NDST4: variants seen among roughly 807,000 people sequenced by gnomAD.
The protein encoded by NDST4 is N-heparan sulfate sulfotransferase 4.
NDST4 carries 63 observed loss-of-function variants against 100.8 expected under a neutral mutation model. That is an observed-to-expected ratio of 0.62 (90% CI 0.51 to 0.77). The LOEUF (loss-of-function observed/expected upper bound fraction) is 0.77. Ranked by LOEUF, NDST4 falls within the 30% of genes least tolerant of loss-of-function variation. NDST4 has a pLI of 0.00. For missense variants in NDST4, 943 were observed against 1,018.4 expected (o/e 0.93, Z 1.01); for synonymous variants, 377 against 361.8 (o/e 1.04, Z -0.48).
At chr4:114,949,402 G>A (rs1483602118) in intron 4 of NDST4, among the ~76,000 whole-genome samples, 2 of 151,866 alleles carry the variant, frequency 1.3e-5, no homozygotes, top group East Asian at 1.9e-4. Context: ...TACCAAAAAA[G>A]GAACAACCCC....
At chr4:114,944,949 C>G (rs1274329639) in intron 4 of NDST4, among the ~76,000 whole-genome samples, 1 of 151,946 alleles carries the variant, frequency 6.6e-6, no homozygotes, top group African/African-American at 2.4e-5. Flanking sequence ...GTGGCCCATG[C>G]CTGTAATCCC....
chr4:114,854,520 G>A (rs1446051601), intron 7 of NDST4, among the ~76,000 whole-genome samples: 1 of 152,088 alleles, frequency 6.6e-6, no homozygotes, highest in Non-Finnish European at 1.5e-5. Context: ...CCAGGCTGGA[G>A]TGCAATGGCA....
chr4:114,907,912 A>G (rs935652088), intron 6 of NDST4, among the ~76,000 whole-genome samples: 3 of 152,210 alleles, frequency 2.0e-5, no homozygotes, highest in Non-Finnish European at 2.9e-5. Flanking sequence ...GAGACTAACT[A>G]GAGTCAGATT....
intron 4 of NDST4, among the ~76,000 whole-genome samples, chr4:114,965,293 A>G (rs1220634616): frequency 6.6e-6 from 1 of 152,008 alleles, no homozygotes. Flanking sequence ...TATACTATTA[A>G]TTTGTTATCA....
chr4:115,016,991 GTGTA>G lies in NDST4; in HGVS notation c.979-39721_979-39718del, dbSNP rs753090005. Reference sequence around the variant, plus strand: ...CTTGTTTTGTTTTGAGTGTTCATGTGTGTATGTGTGTGTGTGTGTGTGTGTGTGT... The same window carrying G: ...CTTGTTTTGTTTTGAGTGTTCATGTGTGTGTGTGTGTGTGTGTGTGTGTGT... On this transcript the variant is annotated intron_variant, in intron 2 of 13. Transcript: ENST00000264363. Among the ~76,000 whole-genome samples, 344 of 147,654 alleles carry G rather than the reference GTGTA, an allele frequency of 2.3e-3. 1 individual carries two copies. Among genetic ancestry groups the G allele is most frequent in the Admixed American group, 7.6e-3 (114 of 15,094 alleles).
intron 2 of NDST4, among the ~76,000 whole-genome samples, chr4:114,986,823 TATA>T (rs1726919920): frequency 1.0e-5 from 1 of 98,718 alleles, no homozygotes; most frequent in African/African-American, 3.4e-5. Flanking sequence ...TATATATATA[TATA>T]TATATATTTT....
intron 2 of NDST4, among the ~76,000 whole-genome samples, chr4:115,035,299 G>A (rs1054766384): frequency 3.3e-5 from 5 of 152,018 alleles, no homozygotes; most frequent in African/African-American, 9.7e-5. Flanking sequence ...AAACAATAAT[G>A]CAAGAAATTG....
chr4:114,881,836 T>C (rs1374355857), intron 6 of NDST4, among the ~76,000 whole-genome samples: 1 of 152,180 alleles, frequency 6.6e-6, no homozygotes, highest in Admixed American at 6.6e-5. Context: ...TATAATATTT[T>C]AAACAACTCA....
intron 2 of NDST4, among the ~76,000 whole-genome samples, chr4:114,982,197 T>C (rs1250062281): frequency 2.6e-5 from 4 of 152,150 alleles, no homozygotes; most frequent in African/African-American, 9.7e-5. Context: ...ACTTTGGAAC[T>C]GGGTAATGGG....
chr4:114,924,302 T>C (rs1020247362), intron 6 of NDST4, among the ~76,000 whole-genome samples: 1 of 152,090 alleles, frequency 6.6e-6, no homozygotes, highest in African/African-American at 2.4e-5. Context: ...AAGAATAATA[T>C]CATACGTTGT....
intron 11 of NDST4, among the ~76,000 whole-genome samples, chr4:114,835,507 TG>T (rs1723288970): frequency 1.3e-5 from 2 of 152,326 alleles, no homozygotes; most frequent in South Asian, 4.1e-4. Context: ...TCCATTCTTT[TG>T]CATTTGCTGA....
intron 2 of NDST4, among the ~76,000 whole-genome samples, chr4:114,989,562 A>C (rs897304363): frequency 1.6e-4 from 24 of 152,294 alleles, no homozygotes; most frequent in African/African-American, 5.8e-4. Context: ...AACCTGTGGG[A>C]AGCCATTGGA....
intron 1 of NDST4, among the ~76,000 whole-genome samples, chr4:115,089,450 T>A (rs962317504): frequency 2.0e-5 from 3 of 152,028 alleles, no homozygotes; most frequent in Admixed American, 2.0e-4. Context: ...TATAATCTTA[T>A]GAATAACAAG....
intron 2 of NDST4, among the ~76,000 whole-genome samples, chr4:115,032,623 A>T (rs1039547316): frequency 3.9e-5 from 6 of 152,138 alleles, no homozygotes; most frequent in African/African-American, 1.4e-4. Context: ...TAATTAAATA[A>T]TAGAGTAATG....
At chr4:114,907,978 A>G (rs543329270) in intron 6 of NDST4, among the ~76,000 whole-genome samples, 3 of 152,312 alleles carry the variant, frequency 2.0e-5, no homozygotes, top group East Asian at 3.9e-4. Context: ...AAGGAAAATC[A>G]TTTAATATTT....
chr4:114,862,394 G>C (rs1723936526), intron 7 of NDST4, among the ~76,000 whole-genome samples: 1 of 152,064 alleles, frequency 6.6e-6, no homozygotes, highest in Non-Finnish European at 1.5e-5. Context: ...CAAAGCAATA[G>C]GAAGGCAGTT....
chr4:115,111,797 T>C (rs963345861), intron 1 of NDST4, among the ~76,000 whole-genome samples: 10 of 151,826 alleles, frequency 6.6e-5, no homozygotes, highest in African/African-American at 2.4e-4. Context: ...AAAAGGCCCA[T>C]TCTGCTTAGT....
At chr4:115,000,318 T>C (rs1727258445) in intron 2 of NDST4, among the ~76,000 whole-genome samples, 1 of 151,986 alleles carries the variant, frequency 6.6e-6, no homozygotes, top group African/African-American at 2.4e-5. Flanking sequence ...TTACCTGATT[T>C]TTCAGGAATT....
At chr4:114,893,709 T>C (rs923935068) in intron 6 of NDST4, among the ~76,000 whole-genome samples, 1 of 152,196 alleles carries the variant, frequency 6.6e-6, no homozygotes, top group Non-Finnish European at 1.5e-5. Flanking sequence ...ACTCTGATGA[T>C]AGTTTCTTTT....
Sources: allele counts gnomAD v4.1 joint callset (sites outside exome capture counted in the v4.1 genomes callset), GRCh38; gene constraint gnomAD v4.1.1; transcripts MANE v1.5; gene names NCBI Gene and HGNC (gene_info 2026-07-23, HGNC 2026-07-21).